FHOD3: variants seen among roughly 807,000 people sequenced by gnomAD.
FHOD3 encodes FH1/FH2 domain-containing protein 3.
In FHOD3, 90 loss-of-function variants were observed where a neutral mutation model predicts 173.0. That is an observed-to-expected ratio of 0.52 (90% CI 0.44 to 0.62). The LOEUF (loss-of-function observed/expected upper bound fraction) is 0.62, where lower values mean the gene tolerates loss of function less well. FHOD3 is among the 20% of genes least tolerant of loss of function. The probability of loss-of-function intolerance (pLI) is 0.00; values close to 1 mark genes in which losing one functional copy is unlikely to be tolerated. For synonymous variants in FHOD3, 828 were observed against 823.0 expected, an observed-to-expected ratio of 1.01 and a Z score of -0.10; for missense variants, 1,945 against 2,034.7, an observed-to-expected ratio of 0.96 and a Z score of 0.85.
chr18:36,748,385 ACACACAC>A (rs1568724031), intron 24 of FHOD3, among the ~76,000 whole-genome samples: 4 of 89,932 alleles, frequency 4.4e-5, no homozygotes, highest in African/African-American at 1.8e-4. Flanking sequence ...CACACACAAC[ACACACAC>A]ACACACACAC....
At position 36,779,353 on chromosome 18, in the gene FHOD3, G is replaced by C. The variant is rs936545646; in HGVS notation, c.4787-95G>C. ...TGGCTTCTCTGGAAGTCCCTGGGGA[G>C]AAGGGGGGACTGGAGTCTTGACTGC... On this transcript the variant is annotated intron_variant, in intron 28 of 28. Coordinates refer to ENST00000590592, the MANE Select transcript of FHOD3 (RefSeq NM_001281740.3). 1.3e-4 allele frequency: 145 copies of C among 1,104,566 alleles called. No individual in the cohort carries two copies. The East Asian group carries it at 3.4e-3, about 26-fold the overall frequency. The allele number at this position is 1,104,566 out of a possible 1,614,324, so 68.4% of individuals were successfully genotyped here. A position where few individuals can be genotyped will look rare whatever the true frequency, so the allele number is the denominator to read the frequency against.
intron 1 of FHOD3, among the ~76,000 whole-genome samples, chr18:36,318,154 G>A (rs1023900104): frequency 5.3e-5 from 8 of 152,178 alleles, no homozygotes; most frequent in African/African-American, 1.9e-4. Flanking sequence ...AAGTCAGGTA[G>A]CGTGATGCCT....
chr18:36,777,992 CAATA>C (rs1421182932), intron 28 of FHOD3: 4 of 152,314 alleles, frequency 2.6e-5, no homozygotes, highest in African/African-American at 9.6e-5. Context: ...AATGGGTTCT[CAATA>C]AATCATTTGT....
At chr18:36,547,498 C>T (rs2057458702) in intron 5 of FHOD3, among the ~76,000 whole-genome samples, 1 of 152,058 alleles carries the variant, frequency 6.6e-6, no homozygotes, top group Admixed American at 6.5e-5. Flanking sequence ...GTCTTGAACT[C>T]CGGACCTCAG....
chr18:36,484,037 T>G (rs528517132), intron 3 of FHOD3, among the ~76,000 whole-genome samples: 152 of 152,328 alleles, frequency 1.0e-3, no homozygotes, highest in Non-Finnish European at 1.9e-3. Flanking sequence ...TGAAGCTAAA[T>G]CTGTTCTTGT....
chr18:36,413,003 A>G (rs975789384), intron 3 of FHOD3, among the ~76,000 whole-genome samples: 1 of 152,232 alleles, frequency 6.6e-6, no homozygotes, highest in African/African-American at 2.4e-5. Flanking sequence ...TCATTCAACA[A>G]AAAGACACAA....
rs542666014 is a variant in FHOD3, at chr18:36,779,668, C to T, written c.*138C>T. 2 of 734,116 alleles carry T rather than the reference C, an allele frequency of 2.7e-6. No individual in the cohort carries two copies. Among genetic ancestry groups the T allele is most frequent in the Admixed American group, 2.3e-5 (1 of 44,230 alleles). 45.5% of individuals were successfully genotyped at this position (734,116 alleles called of 1,614,324 possible). A position where few individuals can be genotyped will look rare whatever the true frequency, so the allele number is the denominator to read the frequency against. ...GGGAGAGCTCAATTCCCAGCGTCACCCCATGGCTTGTGTTGCCTGCTACGC... is the reference window on the plus strand; with the variant it reads ...GGGAGAGCTCAATTCCCAGCGTCACTCCATGGCTTGTGTTGCCTGCTACGC... On this transcript the variant is annotated 3_prime_UTR_variant, in exon 29 of 29. Coordinates refer to ENST00000590592, the MANE Select transcript of FHOD3 (RefSeq NM_001281740.3).
In FHOD3 at chr18:36,700,855, C is replaced by G. The variant is rs2039546033; in HGVS notation, c.2236+7432C>G. 3.3e-5 allele frequency among the ~76,000 whole-genome samples: 5 copies of G among 152,336 alleles called. No homozygotes were observed. In the South Asian group the frequency reaches 1.0e-3, roughly 32 times the overall value. ...AGTCAGTACCTGAAAATGCCATGCT[C>G]TGTGCTTGGAGTGCACTCTTCCATT... On this transcript the variant is annotated intron_variant, in intron 17 of 28. Transcript: ENST00000590592.
chr18:36,453,840 C>G (rs187446517), intron 3 of FHOD3, among the ~76,000 whole-genome samples: 17 of 152,216 alleles, frequency 1.1e-4, no homozygotes, highest in Admixed American at 1.0e-3. Context: ...GAGTCCAGGG[C>G]TTTTGAGAGA....
At chr18:36,309,761 A>G (rs1212645384) in intron 1 of FHOD3, among the ~76,000 whole-genome samples, 1 of 152,170 alleles carries the variant, frequency 6.6e-6, no homozygotes, top group African/African-American at 2.4e-5. Flanking sequence ...AGTCAAGGAT[A>G]CGAGTGGTTT....
At chr18:36,748,483 A>C (rs2042264672) in intron 24 of FHOD3, among the ~76,000 whole-genome samples, 1 of 152,008 alleles carries the variant, frequency 6.6e-6, no homozygotes. Flanking sequence ...ATGTCTTATA[A>C]AGCTGTTGAG....
intron 3 of FHOD3, among the ~76,000 whole-genome samples, chr18:36,445,120 C>G (rs2051393001): frequency 1.3e-5 from 2 of 152,164 alleles, no homozygotes; most frequent in African/African-American, 2.4e-5. Context: ...TAGAGATGGG[C>G]ATGGGTGGCT....
Position 36,757,243 on chromosome 18 carries a change from G to T in FHOD3, c.4426-1875G>T, listed in dbSNP as rs57224691. 2.4e-4 allele frequency among the ~76,000 whole-genome samples: 37 copies of T among 152,280 alleles called. No homozygotes were observed. In the East Asian group the frequency reaches 6.9e-3, roughly 29 times the overall value. ...ATCTGGACAGGATAGGCTTCGTCAG[G>T]ATTCATTCTCAGCCTAGTCCATGTT... On this transcript the variant is annotated intron_variant, in intron 25 of 28. Coordinates refer to ENST00000590592, the MANE Select transcript of FHOD3 (RefSeq NM_001281740.3).
chr18:36,759,016 G>T, intron 25 of FHOD3, 102 bp from the exon 26 acceptor site: 1 of 1,311,156 alleles, frequency 7.6e-7, no homozygotes, highest in Non-Finnish European at 1.1e-6. Context: ...TTATTTACTT[G>T]GAATTTTATG....
chr18:36,352,369 T>C (rs910642209), intron 1 of FHOD3, among the ~76,000 whole-genome samples: 1 of 152,228 alleles, frequency 6.6e-6, no homozygotes, highest in African/African-American at 2.4e-5. Context: ...AGTGTGTCAC[T>C]TCCTAATTAT....
chr18:36,688,938 C>T (rs1600248680), intron 16 of FHOD3, among the ~76,000 whole-genome samples: 1 of 152,224 alleles, frequency 6.6e-6, no homozygotes, highest in Non-Finnish European at 1.5e-5. Flanking sequence ...TCCTCTGGTT[C>T]TGCCCATAGT....
intron 5 of FHOD3, among the ~76,000 whole-genome samples, chr18:36,532,722 C>A (rs558294068): frequency 6.6e-6 from 1 of 152,316 alleles, no homozygotes; most frequent in African/African-American, 2.4e-5. Context: ...CCACCGGGTC[C>A]CACCCACACC....
chr18:36,582,628 C>T (rs2058894260), intron 6 of FHOD3, among the ~76,000 whole-genome samples: 1 of 152,160 alleles, frequency 6.6e-6, no homozygotes, highest in African/African-American at 2.4e-5. Context: ...CCATGTGAAC[C>T]CTGTCCAAGC....
chr18:36,668,453 G>A (rs977033993), intron 14 of FHOD3, among the ~76,000 whole-genome samples: 1 of 149,648 alleles, frequency 6.7e-6, no homozygotes, highest in African/African-American at 2.5e-5. Context: ...ATTTTTTTTT[G>A]ACCACAAAGA....
Sources: gnomAD v4.1 joint callset for allele counts (sites outside exome capture counted in the v4.1 genomes callset) on GRCh38, gnomAD v4.1.1 for gene constraint, MANE v1.5 for transcripts, NCBI Gene and HGNC (gene_info 2026-07-23, HGNC 2026-07-21) for gene names.